ADGRF1: variants seen among roughly 807,000 people sequenced by gnomAD.
ADGRF1 encodes the protein adhesion G protein-coupled receptor F1, also known as G protein-coupled receptor 110.
In ADGRF1, 85 loss-of-function variants were observed where a neutral mutation model predicts 87.2. The observed-to-expected ratio is 0.97, with a 90% CI of 0.82 to 1.17. ADGRF1 has a LOEUF of 1.17. ADGRF1 is among the 50% of genes most tolerant of loss of function. The probability of loss-of-function intolerance (pLI) is 0.00; values close to 1 mark genes in which losing one functional copy is unlikely to be tolerated. For synonymous variants in ADGRF1, 430 were observed against 408.8 expected (o/e 1.05, Z -0.63); for missense variants, 1,169 against 1,077.2 (o/e 1.09, Z -1.19).
chr6:46,999,629 A>G lies in ADGRF1; in HGVS notation c.*593T>C, dbSNP rs890355371. ...ATCACATTATTATACTTTCTGATAAATGGTTACAAAGCTATCTGAAATAGA... is the reference window on the plus strand; with the variant it reads ...ATCACATTATTATACTTTCTGATAAGTGGTTACAAAGCTATCTGAAATAGA... On this transcript the variant is annotated 3_prime_UTR_variant, in exon 15 of 15. Coordinates refer to ENST00000371253, the MANE Select transcript of ADGRF1 (RefSeq NM_153840.4). 6.6e-6 allele frequency: 1 copy of G among 152,524 alleles called. No homozygotes were observed. The highest frequency in any genetic ancestry group is 1.5e-5 in the Non-Finnish European group (1 of 68,266). The allele number at this position is 152,524 out of a possible 1,614,324, so 9.4% of individuals were successfully genotyped here. A position where few individuals can be genotyped will look rare whatever the true frequency, so the allele number is the denominator to read the frequency against.
chr6:47,010,183 T>C lies in ADGRF1; in HGVS notation c.1252A>G (p.Thr418Ala). ...CGAGAAAAATTCAGAGGAAGAGCTG[T>C]CGGAGGCACCAGAGTGCTGATGTTT... ...LENISTLVPP[T>A]ALPLNFSRKF... is the part of the protein sequence containing the mutation. The change falls in exon 11 of 15, where the codon ACA becomes GCA. Residue 418 changes from threonine (T) to alanine (A), a missense_variant. Physicochemically the swap from Thr to Ala is moderately conservative, Grantham distance 58 (BLOSUM62 0). Coordinates refer to ENST00000371253, the MANE Select transcript of ADGRF1 (RefSeq NM_153840.4). The C allele has an allele frequency of 6.2e-6, 10 of 1,614,130 alleles. No individual in the cohort carries two copies. Among genetic ancestry groups the C allele is most frequent in the Non-Finnish European group, 8.5e-6 (10 of 1,180,018 alleles).
intron 1 of ADGRF1, among the ~76,000 whole-genome samples, chr6:47,036,612 A>C (rs1022738928): frequency 1.3e-5 from 2 of 152,182 alleles, no homozygotes; most frequent in Admixed American, 1.3e-4. Context: ...ATAGGAGTAA[A>C]ACATACTTCT....
chr6:47,014,150 T>C (rs1022547148), intron 9 of ADGRF1: 5 of 492,516 alleles, frequency 1.0e-5, no homozygotes, highest in Non-Finnish European at 1.3e-5. Context: ...GAGGAACTAT[T>C]GGCCCCTTGG....
intron 1 of ADGRF1, among the ~76,000 whole-genome samples, chr6:47,037,860 G>A (rs1480551203): frequency 6.6e-5 from 10 of 151,634 alleles, no homozygotes; most frequent in Admixed American, 6.6e-4. Context: ...GTGTGGTTTT[G>A]TTTGTTTGTT....
intron 4 of ADGRF1, among the ~76,000 whole-genome samples, chr6:47,024,849 G>C (rs778823843): frequency 1.4e-4 from 21 of 152,190 alleles, no homozygotes; most frequent in Non-Finnish European, 2.4e-4. Flanking sequence ...CAATGGCTGG[G>C]ATTAGCATGC....
intron 9 of ADGRF1, 36 bp downstream of exon 9, chr6:47,014,645 A>G (rs1244119616): frequency 1.4e-5 from 23 of 1,597,572 alleles, no homozygotes; most frequent in Non-Finnish European, 1.9e-5. Context: ...CTGAAACTCA[A>G]GACCAGGGCA....
In ADGRF1 at chr6:47,009,439, A is replaced by T. The variant is rs1327485079; in HGVS notation, c.1996T>A (p.Phe666Ile). Reference sequence around the variant, plus strand: ...CAGAAGAACAAAGAGAGGTAGAAGAAGTGTGTAAAGAACACAGCAGCTGTG... The same window carrying T: ...CAGAAGAACAAAGAGAGGTAGAAGATGTGTGTAAAGAACACAGCAGCTGTG... ...VCTAAVFFTH[F>I]FYLSLFFWML... The change falls in exon 11 of 15, where the codon TTC becomes ATC. Residue 666 changes from phenylalanine to isoleucine, a missense_variant. Transcript: ENST00000371253. 1 of 1,613,830 alleles carries T rather than the reference A, an allele frequency of 6.2e-7. No homozygotes were observed. Among genetic ancestry groups the T allele is most frequent in the Non-Finnish European group, 8.5e-7 (1 of 1,179,962 alleles).
chr6:47,013,116 T>G (rs1779758980), intron 9 of ADGRF1: 1 of 985,310 alleles, frequency 1.0e-6, no homozygotes. Context: ...CCATCTACTT[T>G]TACTACACCA....
intron 4 of ADGRF1, among the ~76,000 whole-genome samples, chr6:47,025,177 G>A (rs1780190262): frequency 1.3e-5 from 2 of 152,022 alleles, no homozygotes; most frequent in Non-Finnish European, 2.9e-5. Context: ...CAAGAACCAG[G>A]GCAAAGTCAC....
intron 7 of ADGRF1, 56 bp from the exon 8 acceptor site, chr6:47,016,824 T>C: frequency 6.6e-7 from 1 of 1,522,310 alleles, no homozygotes; most frequent in East Asian, 2.3e-5. Flanking sequence ...ATTCATTCAC[T>C]CCCGGCCTAT....
At chr6:47,037,905 G>A (rs1055770848) in intron 1 of ADGRF1, among the ~76,000 whole-genome samples, 1 of 152,184 alleles carries the variant, frequency 6.6e-6, no homozygotes, top group African/African-American at 2.4e-5. Context: ...CTGTCACCCA[G>A]GCTGGAGTGC....
Position 47,024,050 on chromosome 6 carries a change from T to C in ADGRF1, c.445A>G (p.Arg149Gly). The C allele has an allele frequency of 6.2e-7, 1 of 1,613,648 alleles. No individual in the cohort carries two copies. The highest frequency in any genetic ancestry group is 8.5e-7 in the Non-Finnish European group (1 of 1,179,746). Residue 149 changes from arginine to glycine, a missense_variant, in exon 5 of 15, where the codon AGA becomes GGA. Physicochemically the swap from Arg to Gly is moderately radical, Grantham distance 125. Coordinates refer to ENST00000371253, the MANE Select transcript of ADGRF1 (RefSeq NM_153840.4). The stretch of plus-strand genomic sequence containing the variant: ...AGCATTCTTAGTTGCTTACTTGTTC[T>C]CTCACAGAAATTGACACTCTGGCTG... ...NLSQSVNFCE[R>G]TKIWGTFKIN...
At chr6:47,003,630 A>G (rs979264545) in intron 13 of ADGRF1, among the ~76,000 whole-genome samples, 2 of 152,194 alleles carry the variant, frequency 1.3e-5, no homozygotes. Flanking sequence ...ACCAATTGCC[A>G]ATGAGAAAAT....
At chr6:47,024,535 A>T (rs1780167307) in intron 4 of ADGRF1, among the ~76,000 whole-genome samples, 1 of 152,120 alleles carries the variant, frequency 6.6e-6, no homozygotes, top group Non-Finnish European at 1.5e-5. Flanking sequence ...GCTGGTCTTG[A>T]ACTCCTGAGC....
intron 13 of ADGRF1, chr6:47,001,974 G>C (rs1779376721): frequency 5.7e-6 from 1 of 176,056 alleles, no homozygotes; most frequent in Admixed American, 5.8e-5. Context: ...CTTTACTCTT[G>C]CTCATCTTAG....
rs887228698 is a variant in ADGRF1 at position 47,004,755 on chromosome 6, G to T, written c.2592+1062C>A. 2.0e-5 allele frequency among the ~76,000 whole-genome samples: 3 copies of T among 152,322 alleles called. No individual in the cohort carries two copies. In the South Asian group the frequency reaches 6.2e-4, roughly 32 times the overall value. Reference sequence around the variant, plus strand: ...ACATAAAATCTAAATCCCAGAATGTGAGAACTTCTGCTTTGAATAACTAGT... The same window carrying T: ...ACATAAAATCTAAATCCCAGAATGTTAGAACTTCTGCTTTGAATAACTAGT... On this transcript the variant is annotated intron_variant, in intron 13 of 14. Coordinates refer to ENST00000371253, the MANE Select transcript of ADGRF1 (RefSeq NM_153840.4).
chr6:47,033,984 A>C (rs1404680040), intron 1 of ADGRF1, among the ~76,000 whole-genome samples: 2 of 152,216 alleles, frequency 1.3e-5, no homozygotes, highest in East Asian at 3.8e-4. Flanking sequence ...ATCTCAGGGA[A>C]GGTCTATATA....
intron 1 of ADGRF1, among the ~76,000 whole-genome samples, chr6:47,039,307 T>C (rs191935112): frequency 4.1e-4 from 63 of 152,376 alleles, no homozygotes; most frequent in African/African-American, 1.4e-3. Flanking sequence ...GCATACCTCA[T>C]TGCTGCTCAT....
At chr6:47,037,706 T>G (rs1470216563) in intron 1 of ADGRF1, among the ~76,000 whole-genome samples, 3 of 152,086 alleles carry the variant, frequency 2.0e-5, no homozygotes, top group Non-Finnish European at 4.4e-5. Context: ...AGAGACATGG[T>G]CTTGACATAT....
Sources: gnomAD v4.1 joint callset for allele counts (sites outside exome capture counted in the v4.1 genomes callset) on GRCh38, gnomAD v4.1.1 for gene constraint, MANE v1.5 for transcripts, NCBI Gene and HGNC (gene_info 2026-07-23, HGNC 2026-07-21) for gene names.